Variants in FSTL5 observed in about 807,000 individuals in gnomAD.
FSTL5 encodes follistatin-related protein 5.
In FSTL5, 62 loss-of-function variants were observed where a neutral mutation model predicts 89.1. The ratio of observed to expected loss-of-function variants is 0.70; its 90% CI spans 0.57 to 0.86. The LOEUF is 0.86. FSTL5 is among the 40% of genes least tolerant of loss of function. The pLI is 0.00. For missense variants in FSTL5, 1,057 were observed against 1,001.6 expected (o/e 1.06, Z -0.75); for synonymous variants, 383 against 346.2 (o/e 1.11, Z -1.18).
chr4:161,475,835 C>T (rs1004358628), intron 13 of FSTL5, among the ~76,000 whole-genome samples: 71 of 150,838 alleles, frequency 4.7e-4, no homozygotes, highest in South Asian at 1.3e-3. Flanking sequence ...CTGCAAGCTC[C>T]GCTTCCTGGG....
intron 3 of FSTL5, among the ~76,000 whole-genome samples, chr4:161,998,343 A>G (rs986287249): frequency 1.3e-5 from 2 of 152,044 alleles, no homozygotes; most frequent in African/African-American, 4.8e-5. Context: ...TTGAAATATA[A>G]CCATCAAAAA....
chr4:162,022,511 T>C (rs575367975), intron 3 of FSTL5, among the ~76,000 whole-genome samples: 5 of 152,170 alleles, frequency 3.3e-5, no homozygotes, highest in African/African-American at 4.8e-5. Flanking sequence ...ATTAGAAAGA[T>C]TGCCATATAA....
chr4:162,050,030 A>T (rs892889318), intron 2 of FSTL5, among the ~76,000 whole-genome samples: 1 of 151,944 alleles, frequency 6.6e-6, no homozygotes, highest in Non-Finnish European at 1.5e-5. Flanking sequence ...TATATCAAAA[A>T]AGTTAAGTGA....
At chr4:162,109,528 T>C (rs1327235687) in intron 2 of FSTL5, among the ~76,000 whole-genome samples, 3 of 152,130 alleles carry the variant, frequency 2.0e-5, no homozygotes, top group Non-Finnish European at 4.4e-5. Flanking sequence ...GTGACTTCAA[T>C]GATTTTTGGT....
At chr4:161,484,031 G>C (rs960168143) in intron 12 of FSTL5, among the ~76,000 whole-genome samples, 9 of 152,098 alleles carry the variant, frequency 5.9e-5, no homozygotes, top group Middle Eastern at 3.4e-3. Context: ...ATGTTAAGGA[G>C]TACAAGTTAT....
At chr4:161,467,299 G>GAAA (rs951991575) in intron 13 of FSTL5, among the ~76,000 whole-genome samples, 1 of 151,742 alleles carries the variant, frequency 6.6e-6, no homozygotes, top group Non-Finnish European at 1.5e-5. Context: ...ACTCAGATTA[G>GAAA]AAAAAATAGG....
At chr4:161,705,955 T>TTGC (rs1347109276) in intron 6 of FSTL5, among the ~76,000 whole-genome samples, 119 of 4,372 alleles carry the variant, frequency 0.027, 6 homozygotes, top group African/African-American at 0.085. Flanking sequence ...GATGTGTGTA[T>TTGC]ATATATATAT....
intron 6 of FSTL5, among the ~76,000 whole-genome samples, chr4:161,659,594 A>G (rs988788963): frequency 2.6e-5 from 4 of 152,192 alleles, no homozygotes; most frequent in African/African-American, 7.2e-5. Context: ...TAAGTTTTAT[A>G]GATACATGAT....
intron 6 of FSTL5, among the ~76,000 whole-genome samples, chr4:161,754,137 A>G (rs1740496921): frequency 6.7e-6 from 1 of 149,396 alleles, no homozygotes. Flanking sequence ...ATTTTTTTTA[A>G]TATTTTAGAA....
At chr4:161,975,759 TA>T (rs1443807128) in intron 3 of FSTL5, among the ~76,000 whole-genome samples, 4 of 10,748 alleles carry the variant, frequency 3.7e-4, no homozygotes, top group African/African-American at 6.9e-4. Flanking sequence ...ATAATAAAAA[TA>T]AAATAAAATA....
At chr4:161,815,281 T>A (rs1455045702) in intron 4 of FSTL5, among the ~76,000 whole-genome samples, 1 of 152,072 alleles carries the variant, frequency 6.6e-6, no homozygotes, top group Non-Finnish European at 1.5e-5. Flanking sequence ...AAACAGCATA[T>A]TGTTTACAAT....
intron 8 of FSTL5, among the ~76,000 whole-genome samples, chr4:161,565,742 GAC>G (rs145835055): frequency 0.019 from 2,530 of 133,614 alleles, 32 homozygotes; most frequent in African/African-American, 0.041. Flanking sequence ...TATAACTTGA[GAC>G]ACACACACAC....
chr4:161,521,995 G>A (rs993001681), intron 10 of FSTL5, among the ~76,000 whole-genome samples: 1 of 151,860 alleles, frequency 6.6e-6, no homozygotes, highest in Non-Finnish European at 1.5e-5. Context: ...TGTTACAATG[G>A]AGAAACACAT....
At chr4:161,833,598 G>A (rs796298458) in intron 4 of FSTL5, among the ~76,000 whole-genome samples, 2 of 151,840 alleles carry the variant, frequency 1.3e-5, no homozygotes, top group South Asian at 2.1e-4. Context: ...AGGATAGTTA[G>A]CTCTTCTTGT....
At chr4:162,014,919 T>TAA (rs781667622) in intron 3 of FSTL5, among the ~76,000 whole-genome samples, 17 of 152,210 alleles carry the variant, frequency 1.1e-4, no homozygotes, top group Admixed American at 3.3e-4. Context: ...ATTATTGCAT[T>TAA]AAAAACAGCA....
At chr4:161,645,225 A>T (rs1325050102) in intron 7 of FSTL5, among the ~76,000 whole-genome samples, 1 of 152,128 alleles carries the variant, frequency 6.6e-6, no homozygotes, top group Non-Finnish European at 1.5e-5. Flanking sequence ...ATATGAATAG[A>T]TATTTAGCCA....
At chr4:162,003,663 G>T (rs1418222936) in intron 3 of FSTL5, among the ~76,000 whole-genome samples, 1 of 152,136 alleles carries the variant, frequency 6.6e-6, no homozygotes, top group Non-Finnish European at 1.5e-5. Flanking sequence ...GGCCAATGTA[G>T]TGTAATTTTT....
At chr4:161,803,317 T>C (rs1729856514) in intron 4 of FSTL5, among the ~76,000 whole-genome samples, 1 of 152,124 alleles carries the variant, frequency 6.6e-6, no homozygotes, top group African/African-American at 2.4e-5. Flanking sequence ...ACAATCTATA[T>C]TGTCTTTAAT....
rs549417244 is a variant in FSTL5, at chr4:161,878,270, ATTATG to A, written c.409+42129_409+42133del. Among the ~76,000 whole-genome samples the A allele has an allele frequency of 5.3e-4, 81 of 152,226 alleles. 1 individual carries two copies. The highest frequency in any genetic ancestry group is 4.0e-3 in the Admixed American group (61 of 15,292). ...TTGTACTTCCGTAACCACGAATAAT[ATTATG>A]TTATTTCCTCTCTTCTCTTTTCTAC... On this transcript the variant is annotated intron_variant, in intron 4 of 15. Transcript: ENST00000306100.
Sources: allele counts gnomAD v4.1 joint callset (sites outside exome capture counted in the v4.1 genomes callset), GRCh38; gene constraint gnomAD v4.1.1; transcripts MANE v1.5; gene names NCBI Gene and HGNC (gene_info 2026-07-23, HGNC 2026-07-21).